Variants in PCDHGB6 observed in about 807,000 individuals in gnomAD.
PCDHGB6 encodes protocadherin gamma subfamily B, 6, also known as protocadherin gamma-B6.
A neutral mutation model predicts 59.1 loss-of-function variants in PCDHGB6; 51 were observed. That is an observed-to-expected ratio of 0.86 (90% CI 0.69 to 1.09). The LOEUF is 1.09. Ranked by LOEUF, PCDHGB6 falls within the 50% of genes least tolerant of loss-of-function variation. The pLI is 0.00. For synonymous variants in PCDHGB6, 466 were observed against 495.1 expected (o/e 0.94, Z 0.78); for missense variants, 1,148 against 1,205.1 (o/e 0.95, Z 0.70).
At chr5:141,441,855 G>A in intron 1 of PCDHGB6, 3 of 351,872 alleles carry the variant, frequency 8.5e-6, no homozygotes, top group Admixed American at 4.0e-5. Flanking sequence ...ATATGGTGCT[G>A]CACGCCGCGG....
Position 141,410,103 on chromosome 5 carries a change from A to G in PCDHGB6, c.1901A>G (p.Asp634Gly). 1 of 1,612,622 alleles carries G rather than the reference A, an allele frequency of 6.2e-7. No individual in the cohort carries two copies. Among genetic ancestry groups the G allele is most frequent in the South Asian group, 1.1e-5 (1 of 91,024 alleles). Residue 634 changes from aspartate (D) to glycine (G), a missense_variant, in exon 1 of 4, where the codon GAC becomes GGC. Transcript: ENST00000520790. The part of the protein sequence containing the change: ...GEVRTARALG[D>G]RDAARQRLLV... Reference sequence around the variant, plus strand: ...GTGCGCACGGCTCGAGCCTTAGGCGACAGGGACGCAGCCCGCCAGCGCCTG... The same window carrying G: ...GTGCGCACGGCTCGAGCCTTAGGCGGCAGGGACGCAGCCCGCCAGCGCCTG...
At chr5:141,467,352 C>A (rs2099142466) in intron 1 of PCDHGB6, among the ~76,000 whole-genome samples, 1 of 152,140 alleles carries the variant, frequency 6.6e-6, no homozygotes, top group South Asian at 2.1e-4. Context: ...TGCCCCCGGC[C>A]AAATCAACGT....
chr5:141,418,693 T>G, intron 1 of PCDHGB6: 1 of 1,614,040 alleles, frequency 6.2e-7, no homozygotes, highest in Admixed American at 1.7e-5. Flanking sequence ...CAGAGATCAC[T>G]TATTCCTTCT....
intron 1 of PCDHGB6, chr5:141,413,382 CAT>C (rs752944261): frequency 2.5e-6 from 4 of 1,613,998 alleles, no homozygotes; most frequent in Non-Finnish European, 3.4e-6. Flanking sequence ...GCGGAGTCCG[CAT>C]AGTCTCCAGA....
chr5:141,425,248 G>T (rs954872490), intron 1 of PCDHGB6, among the ~76,000 whole-genome samples: 2 of 152,178 alleles, frequency 1.3e-5, no homozygotes, highest in Admixed American at 1.3e-4. Context: ...AAAAGGATAT[G>T]AGGTATTTGG....
At chr5:141,427,965 C>G in intron 1 of PCDHGB6, 1 of 1,590,342 alleles carries the variant, frequency 6.3e-7, no homozygotes, top group Non-Finnish European at 8.6e-7. Flanking sequence ...GCCGCGGGTG[C>G]TGTACCCCGC....
chr5:141,411,193 AAAAC>A (rs1267742802), intron 1 of PCDHGB6: 2 of 152,212 alleles, frequency 1.3e-5, no homozygotes, highest in African/African-American at 4.8e-5. Flanking sequence ...GGCATCTAAG[AAAAC>A]AAACAAGTAA....
At position 141,432,394 on chromosome 5, in the gene PCDHGB6, C is replaced by G; in HGVS notation, c.2418+21774C>G. 1 of 1,614,260 alleles carries G rather than the reference C, an allele frequency of 6.2e-7. No individual in the cohort carries two copies. The highest frequency in any genetic ancestry group is 8.5e-7 in the Non-Finnish European group (1 of 1,180,050). On this transcript the variant is annotated intron_variant, in intron 1 of 3. Transcript: ENST00000520790. This position sits in a 1 kb window ranked among gnomAD's most constrained non-coding sequence, Gnocchi z 6.0. The stretch of plus-strand genomic sequence containing the variant: ...ACGGGCACCCGCCCCTCAGCAGCAA[C>G]GTGTCGTTGAGCCTGTTCGTGCTGG...
intron 1 of PCDHGB6, chr5:141,423,721 T>C (rs2096769391): frequency 8.3e-7 from 1 of 1,208,140 alleles, no homozygotes; most frequent in East Asian, 3.8e-5. Flanking sequence ...TTTAAGGAGA[T>C]GTTTTTTGAG....
Position 141,491,000 on chromosome 5 carries a change from C to T in PCDHGB6, c.2419-3807C>T. 6.2e-7 allele frequency: 1 copy of T among 1,614,142 alleles called. No homozygotes were observed. The highest frequency in any genetic ancestry group is 1.1e-5 in the South Asian group (1 of 91,086). On this transcript the variant is annotated intron_variant, in intron 1 of 3. Transcript: ENST00000520790. The surrounding 1 kb of genome is among the most constrained non-coding windows in gnomAD (Gnocchi z 5.4). ...CTCCCTCGCTCTGCTCCTCCTGGCTCCTTGGTCACCAAGGTGACAGCCGTG... is the reference window on the plus strand; with the variant it reads ...CTCCCTCGCTCTGCTCCTCCTGGCTTCTTGGTCACCAAGGTGACAGCCGTG...
At position 141,487,636 on chromosome 5, in the gene PCDHGB6, A is replaced by G. The variant is rs780468230; in HGVS notation, c.2419-7171A>G. 3 of 1,614,192 alleles carry G rather than the reference A, an allele frequency of 1.9e-6. No homozygotes were observed. Among genetic ancestry groups the G allele is most frequent in the Non-Finnish European group, 1.7e-6 (2 of 1,180,030 alleles). Reference sequence around the variant, plus strand: ...TAGAGGTGAGACCTTTGCAGGCTCAACAAATGCTTGAGGGTTATTCTGATC... The same window carrying G: ...TAGAGGTGAGACCTTTGCAGGCTCAGCAAATGCTTGAGGGTTATTCTGATC... On this transcript the variant is annotated intron_variant, in intron 1 of 3. Transcript: ENST00000520790. This position sits in a 1 kb window ranked among gnomAD's most constrained non-coding sequence, Gnocchi z 5.0.
chr5:141,432,949 CG>C lies in PCDHGB6; in HGVS notation c.2418+22331del, dbSNP rs930064840. 6.2e-7 allele frequency: 1 copy of C among 1,614,066 alleles called. No individual in the cohort carries two copies. Among genetic ancestry groups the C allele is most frequent in the African/African-American group, 1.3e-5 (1 of 74,930 alleles). ...CACGCCTGCTGCAGGCTTCAGGAGG[CG>C]GCTTGACAGGAGCGCCGGCGTCGCA... On this transcript the variant is annotated intron_variant, in intron 1 of 3. Transcript: ENST00000520790. This position sits in a 1 kb window ranked among gnomAD's most constrained non-coding sequence, Gnocchi z 6.0.
At chr5:141,423,660 G>A (rs765304048) in intron 1 of PCDHGB6, 1 of 1,560,482 alleles carries the variant, frequency 6.4e-7, no homozygotes, top group Admixed American at 1.9e-5. Flanking sequence ...CAAGTAATCA[G>A]GTGAGATTTA....
At chr5:141,443,845 A>C (rs923351698) in intron 1 of PCDHGB6, among the ~76,000 whole-genome samples, 19 of 152,224 alleles carry the variant, frequency 1.2e-4, no homozygotes, top group Admixed American at 5.9e-4. Context: ...GGTAATATGG[A>C]AAGTCTGAAA....
intron 2 of PCDHGB6, among the ~76,000 whole-genome samples, chr5:141,501,983 C>G (rs957901405): frequency 6.6e-6 from 1 of 152,068 alleles, no homozygotes; most frequent in Non-Finnish European, 1.5e-5. Flanking sequence ...CATCTGGTCC[C>G]GTTGTCTCCC....
In PCDHGB6 at chr5:141,432,059, A is replaced by G. The variant is rs752124614; in HGVS notation, c.2418+21439A>G. The stretch of plus-strand genomic sequence containing the variant: ...TGACCGGGGAACCCCGCCCCTATCC[A>G]CGGAAACTCATATCTCGCTGAACGT... On this transcript the variant is annotated intron_variant, in intron 1 of 3. Coordinates refer to ENST00000520790, the MANE Select transcript of PCDHGB6 (RefSeq NM_018926.3). The surrounding 1 kb of genome is among the most constrained non-coding windows in gnomAD (Gnocchi z 6.0). 17 of 1,614,052 alleles carry G rather than the reference A, an allele frequency of 1.1e-5. No individual in the cohort carries two copies. The highest frequency in any genetic ancestry group is 1.3e-5 in the African/African-American group (1 of 74,918).
Position 141,409,178 on chromosome 5 carries a change from G to C in PCDHGB6, c.976G>C (p.Gly326Arg). The C allele has an allele frequency of 6.2e-7, 1 of 1,613,994 alleles. No individual in the cohort carries two copies. The highest frequency in any genetic ancestry group is 8.5e-7 in the Non-Finnish European group (1 of 1,179,894). Residue 326 changes from glycine (G) to arginine (R), a missense_variant, in exon 1 of 4, where the codon GGT becomes CGT. By Grantham distance (125) the Gly-to-Arg change is moderately radical. This residue lies in a region of PCDHGB6 where 549 missense variants were observed against 527.5 expected (regional missense o/e 1.04). Coordinates refer to ENST00000520790, the MANE Select transcript of PCDHGB6 (RefSeq NM_018926.3). ...TMEVEAKDGG[G>R]LSTQCKVIIE... Reference sequence around the variant, plus strand: ...GGAAGTGGAAGCGAAGGACGGAGGTGGTCTCTCTACCCAGTGTAAAGTAAT... The same window carrying C: ...GGAAGTGGAAGCGAAGGACGGAGGTCGTCTCTCTACCCAGTGTAAAGTAAT...
intron 1 of PCDHGB6, chr5:141,492,023 C>T: frequency 1.8e-6 from 1 of 564,804 alleles, no homozygotes; most frequent in Non-Finnish European, 3.0e-6. Context: ...TCGGGGGTCC[C>T]GGGAGGAGGC....
intron 2 of PCDHGB6, among the ~76,000 whole-genome samples, chr5:141,499,352 CA>C (rs2099791418): frequency 6.6e-6 from 1 of 152,058 alleles, no homozygotes; most frequent in South Asian, 2.1e-4. Context: ...AGTCATTCAA[CA>C]AACAAATAGC....
Sources: gnomAD v4.1 joint callset for allele counts (sites outside exome capture counted in the v4.1 genomes callset) on GRCh38, gnomAD v4.1.1 for gene constraint, gnomAD v4.1.1 regional missense constraint, Gnocchi (gnomAD v3.1) non-coding constraint, MANE v1.5 for transcripts, NCBI Gene and HGNC (gene_info 2026-07-23, HGNC 2026-07-21) for gene names.